Variants in ADORA1 observed in about 807,000 individuals in gnomAD.
ADORA1 encodes the protein adenosine receptor A1.
Under a neutral mutation model 19.9 loss-of-function variants are expected in ADORA1, and 6 were observed. The observed-to-expected ratio is 0.30, with a 90% CI of 0.17 to 0.59. ADORA1 has a LOEUF of 0.59. Ranked by LOEUF, ADORA1 falls within the 20% of genes least tolerant of loss-of-function variation. ADORA1 has a pLI of 0.87. For synonymous variants in ADORA1, 194 were observed against 188.4 expected (o/e 1.03, Z -0.24); for missense variants, 302 against 439.2 (o/e 0.69, Z 2.79).
chr1:203,127,817 T>A lies in ADORA1; in HGVS notation c.-324T>A, dbSNP rs1558124225. Reference sequence around the variant, plus strand: ...CCCTCTGGAGCTTACCGGCCGGCCTTGGCTTCCCCAGGAATCCCTGGAGCT... The same window carrying A: ...CCCTCTGGAGCTTACCGGCCGGCCTAGGCTTCCCCAGGAATCCCTGGAGCT... On this transcript the variant is annotated 5_prime_UTR_variant, in exon 1 of 4. Transcript: ENST00000337894. The A allele has an allele frequency of 6.6e-6, 1 of 152,496 alleles. No homozygotes were observed. Among genetic ancestry groups the A allele is most frequent in the African/African-American group, 2.4e-5 (1 of 41,434 alleles). The allele number at this position is 152,496 out of a possible 1,614,324, so 9.4% of individuals were successfully genotyped here.
At position 203,127,869 on chromosome 1, in the gene ADORA1, G is replaced by T. The variant is rs1340444788; in HGVS notation, c.-272G>T. 3 of 153,164 alleles carry T rather than the reference G, an allele frequency of 2.0e-5. No individual in the cohort carries two copies. The highest frequency in any genetic ancestry group is 7.2e-5 in the African/African-American group (3 of 41,474). The allele number at this position is 153,164 out of a possible 1,614,324, so 9.5% of individuals were successfully genotyped here. On this transcript the variant is annotated 5_prime_UTR_variant, in exon 1 of 4. Transcript: ENST00000337894. The stretch of plus-strand genomic sequence containing the variant: ...GCGGCTGCTGAAGGCGTCGAGGTGT[G>T]GGGGCACTTGGACAGAACAGTCAGG...
At chr1:203,162,447 A>G (rs1272918931) in intron 3 of ADORA1, among the ~76,000 whole-genome samples, 2 of 152,004 alleles carry the variant, frequency 1.3e-5, no homozygotes, top group African/African-American at 2.4e-5. Context: ...GTCTAGGGCT[A>G]TCACTGTCTA....
Position 203,129,132 on chromosome 1 carries a change from C to T in ADORA1, c.291C>T (p.Ala97=). ...VLILTQSSIL[A]LLAIAVDRYL... ...TCCTCACCCAGAGCTCCATCCTGGCCCTGCTGGCAATTGCTGTGGACCGCT... is the reference window on the plus strand; with the variant it reads ...TCCTCACCCAGAGCTCCATCCTGGCTCTGCTGGCAATTGCTGTGGACCGCT... The change falls in exon 3 of 4, where the codon GCC becomes GCT. Residue 97 remains alanine (A), a synonymous_variant. Transcript: ENST00000337894. 6.2e-7 allele frequency: 1 copy of T among 1,614,152 alleles called. No homozygotes were observed.
chr1:203,166,221 G>A lies in ADORA1; in HGVS notation c.*321G>A. The A allele has an allele frequency of 3.9e-6, 1 of 253,648 alleles. No individual in the cohort carries two copies. 15.7% of individuals were successfully genotyped at this position (253,648 alleles called of 1,614,324 possible). A position where few individuals can be genotyped will look rare whatever the true frequency, so the allele number is the denominator to read the frequency against. ...GAGCTTCAGGGCTGGGCAGGTCCTG[G>A]GGAGGCTGAGACTGCAGAGGAGCCA... is the stretch of plus-strand genomic sequence containing the variant. On this transcript the variant is annotated 3_prime_UTR_variant, in exon 4 of 4. Transcript: ENST00000337894.
Position 203,166,744 on chromosome 1 carries a change from C to G in ADORA1, c.*844C>G, listed in dbSNP as rs1655570874. On this transcript the variant is annotated 3_prime_UTR_variant, in exon 4 of 4. Coordinates refer to ENST00000337894, the MANE Select transcript of ADORA1 (RefSeq NM_000674.3). ...TGTAATTACCTGTCATCTGGGCCAC[C>G]AGCTCCACTGGCCTGCCCGTTGCCG... 6.6e-6 allele frequency: 1 copy of G among 152,646 alleles called. No homozygotes were observed. Among genetic ancestry groups the G allele is most frequent in the Non-Finnish European group, 1.5e-5 (1 of 68,442 alleles). 9.5% of individuals were successfully genotyped at this position (152,646 alleles called of 1,614,324 possible). A position where few individuals can be genotyped will look rare whatever the true frequency, so the allele number is the denominator to read the frequency against.
chr1:203,158,019 T>A (rs951201079), intron 3 of ADORA1, among the ~76,000 whole-genome samples: 2 of 152,196 alleles, frequency 1.3e-5, no homozygotes, highest in African/African-American at 4.8e-5. Context: ...TCCATATTAT[T>A]CTCTTTAGCA....
At position 203,128,064 on chromosome 1, in the gene ADORA1, A is replaced by T; in HGVS notation, c.-213+136A>T. 3.5e-6 allele frequency: 1 copy of T among 285,070 alleles called. No homozygotes were observed. Among genetic ancestry groups the T allele is most frequent in the Non-Finnish European group, 7.0e-6 (1 of 141,964 alleles). 17.7% of individuals were successfully genotyped at this position (285,070 alleles called of 1,614,324 possible). On this transcript the variant is annotated intron_variant, in intron 1 of 3. Coordinates refer to ENST00000337894, the MANE Select transcript of ADORA1 (RefSeq NM_000674.3). The surrounding 1 kb of genome is among the most constrained non-coding windows in gnomAD (Gnocchi z 5.9). ...GACAGAGCTGGAACGGGACCAGAGG[A>T]CTGCTAAGATCCAGGCACCAGACGG...
chr1:203,162,350 G>A (rs574797608), intron 3 of ADORA1, among the ~76,000 whole-genome samples: 1 of 152,296 alleles, frequency 6.6e-6, no homozygotes, highest in South Asian at 2.1e-4. Context: ...TAACCCCGGG[G>A]GCTCTGGGTG....
At chr1:203,151,315 AG>A (rs911865816) in intron 3 of ADORA1, among the ~76,000 whole-genome samples, 3 of 152,168 alleles carry the variant, frequency 2.0e-5, no homozygotes, top group Admixed American at 2.0e-4. Context: ...TGGGCTGAGC[AG>A]GTTCCCAAAC....
rs762698920 is a variant in ADORA1, at chr1:203,128,514, T to C, written c.-58+82T>C. 3.0e-5 allele frequency: 33 copies of C among 1,086,754 alleles called. No individual in the cohort carries two copies. The highest frequency in any genetic ancestry group is 3.9e-5 in the Non-Finnish European group (32 of 816,540). 67.3% of individuals were successfully genotyped at this position (1,086,754 alleles called of 1,614,324 possible). ...ACCCCTCTGTGCGTGTGTCTGTGTG[T>C]GCGCGCGCGCTGGGAGCTGCCTCAC... On this transcript the variant is annotated intron_variant, in intron 2 of 3. Transcript: ENST00000337894. This position sits in a 1 kb window ranked among gnomAD's most constrained non-coding sequence, Gnocchi z 5.9.
chr1:203,148,096 G>A (rs1204085874), intron 3 of ADORA1, among the ~76,000 whole-genome samples: 1 of 152,190 alleles, frequency 6.6e-6, no homozygotes, highest in African/African-American at 2.4e-5. Flanking sequence ...GCGGGCGCCT[G>A]TAGTCCCAGC....
chr1:203,140,403 A>C (rs1253276445), intron 3 of ADORA1, among the ~76,000 whole-genome samples: 1 of 152,232 alleles, frequency 6.6e-6, no homozygotes, highest in African/African-American at 2.4e-5. Context: ...CTTACGGCTT[A>C]AGCCACTGGG....
intron 3 of ADORA1, among the ~76,000 whole-genome samples, chr1:203,138,198 C>T (rs896916758): frequency 1.2e-4 from 18 of 152,262 alleles, no homozygotes; most frequent in Admixed American, 5.2e-4. Flanking sequence ...GGAAAGGCTG[C>T]AGGTGGTGGA....
rs767666248 is a variant in ADORA1 at position 203,165,082 on chromosome 1, C to G, written c.342-179C>G. 4 of 1,550,592 alleles carry G rather than the reference C, an allele frequency of 2.6e-6. No individual in the cohort carries two copies. Among genetic ancestry groups the G allele is most frequent in the Non-Finnish European group, 3.5e-6 (4 of 1,147,014 alleles). ...AGAATAAGCCAATGCATGGCAAGCA[C>G]TAAATCTTAGATCCTGAAGACTCAG... On this transcript the variant is annotated intron_variant, in intron 3 of 3. Coordinates refer to ENST00000337894, the MANE Select transcript of ADORA1 (RefSeq NM_000674.3). The surrounding 1 kb of genome is among the most constrained non-coding windows in gnomAD (Gnocchi z 5.9).
Position 203,167,001 on chromosome 1 carries a change from A to C in ADORA1, c.*1101A>C, listed in dbSNP as rs200808975. ...GCATGTGGGGGAAGGCCTTGCTGTC[A>C]TGTGAATCCCTCAATACCCCTAGTA... On this transcript the variant is annotated 3_prime_UTR_variant, in exon 4 of 4. Transcript: ENST00000337894. 4.6e-5 allele frequency: 7 copies of C among 152,604 alleles called. No individual in the cohort carries two copies. The highest frequency in any genetic ancestry group is 1.7e-4 in the African/African-American group (7 of 41,448). 9.5% of individuals were successfully genotyped at this position (152,604 alleles called of 1,614,324 possible). A position where few individuals can be genotyped will look rare whatever the true frequency, so the allele number is the denominator to read the frequency against.
chr1:203,137,570 G>C (rs989204985), intron 3 of ADORA1, among the ~76,000 whole-genome samples: 2 of 152,220 alleles, frequency 1.3e-5, no homozygotes, highest in African/African-American at 4.8e-5. Flanking sequence ...GGTAAGGGAA[G>C]ACGGAGGTGG....
At chr1:203,163,524 T>G (rs1655436858) in intron 3 of ADORA1, among the ~76,000 whole-genome samples, 1 of 152,120 alleles carries the variant, frequency 6.6e-6, no homozygotes, top group African/African-American at 2.4e-5. Flanking sequence ...TGGTGGTGGT[T>G]TGGGGCACAA....
chr1:203,128,478 A>G lies in ADORA1; in HGVS notation c.-58+46A>G, dbSNP rs1275051289. 7 of 1,242,064 alleles carry G rather than the reference A, an allele frequency of 5.6e-6. No homozygotes were observed. The highest frequency in any genetic ancestry group is 7.4e-6 in the Non-Finnish European group (7 of 947,118). The allele number at this position is 1,242,064 out of a possible 1,614,324, so 76.9% of individuals were successfully genotyped here. On this transcript the variant is annotated intron_variant, in intron 2 of 3. Coordinates refer to ENST00000337894, the MANE Select transcript of ADORA1 (RefSeq NM_000674.3). The surrounding 1 kb of genome is among the most constrained non-coding windows in gnomAD (Gnocchi z 5.9). The stretch of plus-strand genomic sequence containing the variant: ...TCTGTGCACAGGGGTGGGCAGAGCC[A>G]GTCATGGGAGACCCCTCTGTGCGTG...
chr1:203,128,979 C>T lies in ADORA1; in HGVS notation c.138C>T (p.Cys46=), dbSNP rs1417202223. Residue 46 remains cysteine, a synonymous_variant, in exon 3 of 4, where the codon TGC becomes TGT. Transcript: ENST00000337894. The surrounding 1 kb of genome is among the most constrained non-coding windows in gnomAD (Gnocchi z 5.9). ...VNQALRDATF[C]FIVSLAVADV... is the part of the protein sequence containing the mutation. ...AGGCGCTGCGGGATGCCACCTTCTGCTTCATCGTGTCGCTGGCGGTGGCTG... is the reference window on the plus strand; with the variant it reads ...AGGCGCTGCGGGATGCCACCTTCTGTTTCATCGTGTCGCTGGCGGTGGCTG... 3.7e-6 allele frequency: 6 copies of T among 1,614,056 alleles called. No homozygotes were observed. Among genetic ancestry groups the T allele is most frequent in the Non-Finnish European group, 5.1e-6 (6 of 1,180,050 alleles).
Sources: allele counts gnomAD v4.1 joint callset (sites outside exome capture counted in the v4.1 genomes callset), GRCh38; gene constraint gnomAD v4.1.1; non-coding constraint Gnocchi (gnomAD v3.1); transcripts MANE v1.5; gene names NCBI Gene and HGNC (gene_info 2026-07-23, HGNC 2026-07-21).